ASH1L: variants seen among roughly 807,000 people sequenced by gnomAD.
ASH1L encodes the protein ASH1 like histone lysine methyltransferase, also known as histone-lysine N-methyltransferase ASH1L.
Under a neutral mutation model 269.0 loss-of-function variants are expected in ASH1L, and 23 were observed. The ratio of observed to expected loss-of-function variants is 0.09; its 90% CI spans 0.06 to 0.12. ASH1L has a LOEUF of 0.12. ASH1L is among the 10% of genes least tolerant of loss of function. ASH1L has a pLI of 1.00. For synonymous variants in ASH1L, 1,187 were observed against 1,253.5 expected, an observed-to-expected ratio of 0.95 and a Z score of 1.12; for missense variants, 2,912 against 3,567.8, an observed-to-expected ratio of 0.82 and a Z score of 4.68.
At chr1:155,356,661 A>G (rs1654418170) in intron 15 of ASH1L, among the ~76,000 whole-genome samples, 3 of 151,456 alleles carry the variant, frequency 2.0e-5, no homozygotes, top group Admixed American at 2.0e-4. Flanking sequence ...AAAAAAAACA[A>G]CAAAAAACCA....
At chr1:155,429,380 T>C (rs1396362507) in intron 5 of ASH1L, among the ~76,000 whole-genome samples, 2 of 152,200 alleles carry the variant, frequency 1.3e-5, no homozygotes, top group East Asian at 1.9e-4. Flanking sequence ...CTCAAGTGAT[T>C]CTCCCACTTG....
At chr1:155,339,485 G>T in intron 25 of ASH1L, 117 bp from the exon 26 acceptor site, 1 of 779,342 alleles carries the variant, frequency 1.3e-6, no homozygotes, top group Non-Finnish European at 2.1e-6. Flanking sequence ...GGGTGACTTT[G>T]TTTTAAGATG....
chr1:155,432,334 C>T (rs1354784903), intron 5 of ASH1L, among the ~76,000 whole-genome samples: 2 of 152,150 alleles, frequency 1.3e-5, no homozygotes, highest in Non-Finnish European at 2.9e-5. Flanking sequence ...CTATTATATA[C>T]AGTACTCTTA....
intron 5 of ASH1L, chr1:155,434,317 A>G: frequency 6.4e-7 from 1 of 1,557,158 alleles, no homozygotes; most frequent in Non-Finnish European, 8.7e-7. Flanking sequence ...CTAGGGAAAG[A>G]GAACCTGGAG....
At chr1:155,358,229 G>A (rs1174918172) in intron 13 of ASH1L, among the ~76,000 whole-genome samples, 3 of 152,162 alleles carry the variant, frequency 2.0e-5, no homozygotes, top group Admixed American at 6.6e-5. Flanking sequence ...GAATAGAAAT[G>A]ATGGATTAAA....
At chr1:155,528,413 T>C (rs957563100) in intron 1 of ASH1L, among the ~76,000 whole-genome samples, 8 of 152,086 alleles carry the variant, frequency 5.3e-5, no homozygotes, top group East Asian at 1.9e-4. Flanking sequence ...ATGATAAATA[T>C]GTGAATGGAT....
At chr1:155,499,653 T>C (rs1667380429) in intron 2 of ASH1L, among the ~76,000 whole-genome samples, 1 of 152,222 alleles carries the variant, frequency 6.6e-6, no homozygotes, top group Non-Finnish European at 1.5e-5. Context: ...AATTAATTAG[T>C]AATGTGTAAT....
intron 4 of ASH1L, among the ~76,000 whole-genome samples, chr1:155,452,444 T>G (rs554962804): frequency 3.9e-5 from 6 of 152,356 alleles, no homozygotes; most frequent in Admixed American, 2.6e-4. Flanking sequence ...AATCAGTTAT[T>G]TGTAGAACAG....
chr1:155,429,980 GT>G (rs112673240), intron 5 of ASH1L, among the ~76,000 whole-genome samples: 32 of 144,796 alleles, frequency 2.2e-4, no homozygotes, highest in Admixed American at 2.8e-4. Flanking sequence ...TGATTTTTAA[GT>G]TTTTTTTTTT....
At chr1:155,475,050 G>C (rs754123754) in intron 3 of ASH1L, among the ~76,000 whole-genome samples, 31 of 152,082 alleles carry the variant, frequency 2.0e-4, no homozygotes, top group Non-Finnish European at 3.8e-4. Context: ...TACTCTCTCT[G>C]TATTTCCTCT....
chr1:155,419,281 A>G (rs1342689725), intron 5 of ASH1L: 2 of 151,974 alleles, frequency 1.3e-5, no homozygotes, highest in Non-Finnish European at 2.9e-5. Flanking sequence ...TATCCAAAAC[A>G]GTGCAAACCA....
chr1:155,520,972 A>G, intron 2 of ASH1L, 128 bp downstream of exon 2: 1 of 1,056,982 alleles, frequency 9.5e-7, no homozygotes, highest in Non-Finnish European at 1.4e-6. Flanking sequence ...TTTAAGGCTC[A>G]CAAAAACAAA....
rs865875108 is a variant in ASH1L at position 155,348,911 on chromosome 1, T to C, written c.7554+416A>G. Among the ~76,000 whole-genome samples, 73 of 140,428 alleles carry C rather than the reference T, an allele frequency of 5.2e-4. No individual in the cohort carries two copies. The South Asian group carries it at 7.0e-3, about 13-fold the overall frequency. The allele number at this position is 140,428 out of a possible 152,430, so 92.1% of individuals were successfully genotyped here. A position where few individuals can be genotyped will look rare whatever the true frequency, so the allele number is the denominator to read the frequency against. On this transcript the variant is annotated intron_variant, in intron 19 of 27. Coordinates refer to ENST00000392403, the MANE Select transcript of ASH1L (RefSeq NM_018489.3). ...AAAAAAAAAAAAAAATATATATATATACACACACACACACACACACACACA... is the reference window on the plus strand; with the variant it reads ...AAAAAAAAAAAAAAATATATATATACACACACACACACACACACACACACA...
At chr1:155,489,484 A>C (rs1207996159) in intron 2 of ASH1L, among the ~76,000 whole-genome samples, 3 of 151,188 alleles carry the variant, frequency 2.0e-5, no homozygotes, top group Admixed American at 1.3e-4. Flanking sequence ...AAAAAAAAAA[A>C]AAAGGGCTGG....
Position 155,349,353 on chromosome 1 carries a change from T to G in ASH1L, c.7528A>C (p.Met2510Leu). ...YKTVEAFDAD[M>L]LKVFRNAEKY... The stretch of plus-strand genomic sequence containing the variant: ...TCAGCATTCCGAAAGACTTTGAGCA[T>G]GTCAGCATCAAAAGCTTCCACTGTC... Residue 2510 changes from methionine to leucine, a missense_variant, in exon 19 of 28, where the codon ATG becomes CTG. This residue lies in a region of ASH1L where 309 missense variants were observed against 435.1 expected (regional missense o/e 0.71). Transcript: ENST00000392403. 1.9e-6 allele frequency: 3 copies of G among 1,613,926 alleles called. No homozygotes were observed. The highest frequency in any genetic ancestry group is 2.5e-6 in the Non-Finnish European group (3 of 1,179,854).
At chr1:155,534,731 G>A (rs943449083) in intron 1 of ASH1L, among the ~76,000 whole-genome samples, 2 of 152,120 alleles carry the variant, frequency 1.3e-5, no homozygotes, top group Admixed American at 6.6e-5. Context: ...TATATACAGA[G>A]GGAGGCAGTG....
chr1:155,543,035 C>T (rs1479782169), intron 1 of ASH1L, among the ~76,000 whole-genome samples: 1 of 151,754 alleles, frequency 6.6e-6, no homozygotes, highest in East Asian at 1.9e-4. Flanking sequence ...CACTGTGTGG[C>T]TGCTGGGGAA....
At chr1:155,407,504 G>A (rs954253704) in intron 6 of ASH1L, among the ~76,000 whole-genome samples, 1 of 152,052 alleles carries the variant, frequency 6.6e-6, no homozygotes, top group Non-Finnish European at 1.5e-5. Context: ...ATTATCTATA[G>A]GAGCAAATAT....
At chr1:155,464,424 G>A (rs1441377133) in intron 3 of ASH1L, among the ~76,000 whole-genome samples, 1 of 151,960 alleles carries the variant, frequency 6.6e-6, no homozygotes, top group African/African-American at 2.4e-5. Context: ...GTAGACCACC[G>A]CTGTGTCTCA....
Sources: allele counts gnomAD v4.1 joint callset (sites outside exome capture counted in the v4.1 genomes callset), GRCh38; gene constraint gnomAD v4.1.1; regional missense constraint gnomAD v4.1.1; transcripts MANE v1.5; gene names NCBI Gene and HGNC (gene_info 2026-07-23, HGNC 2026-07-21).